Variants in ATXN7 observed in about 807,000 individuals in gnomAD.
ATXN7 encodes ataxin-7.
Under a neutral mutation model 70.5 loss-of-function variants are expected in ATXN7, and 12 were observed. That is an observed-to-expected ratio of 0.17 (90% CI 0.11 to 0.28). The LOEUF (loss-of-function observed/expected upper bound fraction) is 0.28, where lower values mean the gene tolerates loss of function less well. Ranked by LOEUF, ATXN7 falls within the 10% of genes least tolerant of loss-of-function variation. The pLI is 1.00. For synonymous variants in ATXN7, 498 were observed against 448.7 expected, an observed-to-expected ratio of 1.11 and a Z score of -1.39; for missense variants, 1,256 against 1,131.7, an observed-to-expected ratio of 1.11 and a Z score of -1.58.
chr3:63,987,419 G>T (rs1232914087), intron 8 of ATXN7, among the ~76,000 whole-genome samples: 4 of 152,124 alleles, frequency 2.6e-5, no homozygotes, highest in Non-Finnish European at 2.9e-5. Flanking sequence ...TATCTATAGG[G>T]ATTACTTTGT....
chr3:63,893,330 A>G (rs553046612), intron 1 of ATXN7, among the ~76,000 whole-genome samples: 1 of 152,332 alleles, frequency 6.6e-6, no homozygotes, highest in South Asian at 2.1e-4. Flanking sequence ...TAATGGTGAA[A>G]TGGTGCCCTG....
At chr3:63,911,713 A>C (rs924951155) in intron 2 of ATXN7, 1 of 152,166 alleles carries the variant, frequency 6.6e-6, no homozygotes, top group Non-Finnish European at 1.5e-5. Flanking sequence ...GTGACTTCCA[A>C]TTGCGGGTCG....
At chr3:63,962,584 T>C (rs2075148323) in intron 5 of ATXN7, among the ~76,000 whole-genome samples, 2 of 151,950 alleles carry the variant, frequency 1.3e-5, no homozygotes, top group South Asian at 4.2e-4. Flanking sequence ...TGTGCATTTT[T>C]AGTAGAGACA....
At chr3:63,904,192 A>G (rs916558340) in intron 2 of ATXN7, 1 of 152,002 alleles carries the variant, frequency 6.6e-6, no homozygotes. Context: ...ATCAAATAAT[A>G]TGTGACCTAT....
chr3:63,962,685 G>A (rs889740589), intron 5 of ATXN7, among the ~76,000 whole-genome samples: 1 of 152,000 alleles, frequency 6.6e-6, no homozygotes, highest in African/African-American at 2.4e-5. Context: ...GATTATAGGC[G>A]TGAACCACCA....
At chr3:63,953,383 T>A (rs1188425371) in intron 5 of ATXN7, among the ~76,000 whole-genome samples, 1 of 152,004 alleles carries the variant, frequency 6.6e-6, no homozygotes, top group African/African-American at 2.4e-5. Context: ...CTGAAGGGTA[T>A]TTAGTATTTA....
chr3:63,988,440 A>G (rs758000076), intron 9 of ATXN7, 116 bp downstream of exon 9: 224 of 1,358,154 alleles, frequency 1.6e-4, no homozygotes, highest in Non-Finnish European at 1.9e-4. Context: ...CTGTGGAGAT[A>G]GTTTTTTAAG....
chr3:63,952,907 A>G (rs1489719647), intron 5 of ATXN7, among the ~76,000 whole-genome samples: 1 of 129,246 alleles, frequency 7.7e-6, no homozygotes, highest in Non-Finnish European at 1.5e-5. Context: ...CAATAGTTCT[A>G]AATATTGGGT....
At chr3:63,952,889 T>C (rs1378702802) in intron 5 of ATXN7, among the ~76,000 whole-genome samples, 1 of 146,394 alleles carries the variant, frequency 6.8e-6, no homozygotes, top group African/African-American at 2.5e-5. Flanking sequence ...TTTTGAAACT[T>C]CTCTGTTCAA....
intron 4 of ATXN7, among the ~76,000 whole-genome samples, chr3:63,923,116 C>T (rs1704568824): frequency 2.0e-5 from 3 of 152,148 alleles, no homozygotes. Flanking sequence ...TGATTACTGC[C>T]TTGAGAATCC....
In ATXN7 at chr3:63,880,153, G is replaced by C. The variant is rs1001298460; in HGVS notation, c.-111+15995G>C. The stretch of plus-strand genomic sequence containing the variant: ...GTCTGTTTTAGTCCATAACTTTATT[G>C]AGTTTTGAGGTTTGAGAAATGGGAA... On this transcript the variant is annotated intron_variant, in intron 1 of 12. Coordinates refer to ENST00000674280, the MANE Select transcript of ATXN7 (RefSeq NM_001377405.1). 3.9e-5 allele frequency among the ~76,000 whole-genome samples: 6 copies of C among 152,184 alleles called. No homozygotes were observed. The East Asian group carries it at 1.2e-3, about 29-fold the overall frequency.
At chr3:63,977,017 T>G (rs958127775) in intron 5 of ATXN7, among the ~76,000 whole-genome samples, 3 of 152,294 alleles carry the variant, frequency 2.0e-5, no homozygotes, top group South Asian at 4.1e-4. Flanking sequence ...AAGGAGGTTA[T>G]CTGAAATTGG....
chr3:63,994,158 T>C (rs73119022), intron 11 of ATXN7, among the ~76,000 whole-genome samples: 16,570 of 152,270 alleles, frequency 0.11, 1,105 homozygotes, highest in Middle Eastern at 0.16. Context: ...GTGACTGTAA[T>C]GTGCAACAGC....
chr3:63,866,393 G>A (rs1052172956), intron 1 of ATXN7, among the ~76,000 whole-genome samples: 5 of 152,084 alleles, frequency 3.3e-5, no homozygotes, highest in African/African-American at 1.2e-4. Context: ...TGGGACTACC[G>A]GCATGTTCCA....
At chr3:63,977,453 T>C (rs1374241586) in intron 5 of ATXN7, among the ~76,000 whole-genome samples, 1 of 152,230 alleles carries the variant, frequency 6.6e-6, no homozygotes, top group Non-Finnish European at 1.5e-5. Flanking sequence ...GGGTTTTCTC[T>C]GTCTTCTTCA....
intron 1 of ATXN7, among the ~76,000 whole-genome samples, chr3:63,886,828 C>T (rs1447646916): frequency 3.9e-5 from 6 of 152,142 alleles, no homozygotes; most frequent in Admixed American, 1.3e-4. Context: ...GCAGTTCTTC[C>T]TTGCTGTTGT....
chr3:63,950,118 C>G (rs1395087868), intron 4 of ATXN7, among the ~76,000 whole-genome samples: 3 of 151,540 alleles, frequency 2.0e-5, no homozygotes, highest in Non-Finnish European at 4.4e-5. Context: ...ACAGGATAAC[C>G]CCTATCTTTT....
At chr3:63,979,240 T>A (rs1001850354) in intron 5 of ATXN7, among the ~76,000 whole-genome samples, 1 of 152,236 alleles carries the variant, frequency 6.6e-6, no homozygotes, top group Non-Finnish European at 1.5e-5. Flanking sequence ...CTATTTGTGG[T>A]ATTTTTGTCT....
intron 2 of ATXN7, among the ~76,000 whole-genome samples, chr3:63,908,638 C>T (rs898565038): frequency 3.3e-5 from 5 of 152,130 alleles, no homozygotes; most frequent in Non-Finnish European, 7.3e-5. Context: ...CAATTGAAGA[C>T]GGTTGTGTGG....
Sources: gnomAD v4.1 joint callset for allele counts (sites outside exome capture counted in the v4.1 genomes callset) on GRCh38, gnomAD v4.1.1 for gene constraint, MANE v1.5 for transcripts, NCBI Gene and HGNC (gene_info 2026-07-23, HGNC 2026-07-21) for gene names.